Variants in TPTE observed in about 807,000 individuals in gnomAD.
TPTE encodes the protein transmembrane phosphatase with tensin homology, also known as putative tyrosine-protein phosphatase TPTE.
TPTE carries 59 observed loss-of-function variants against 84.1 expected under a neutral mutation model. The ratio of observed to expected loss-of-function variants is 0.70; its 90% CI spans 0.57 to 0.87. The LOEUF is 0.87. Ranked by LOEUF, TPTE falls within the 40% of genes least tolerant of loss-of-function variation. TPTE has a pLI of 0.00. For synonymous variants in TPTE, 130 were observed against 223.5 expected (o/e 0.58, Z 3.73); for missense variants, 382 against 659.6 (o/e 0.58, Z 4.61).
At chr21:10,531,308 C>G (rs1403082011) in intron 3 of TPTE, among the ~76,000 whole-genome samples, 2 of 152,304 alleles carry the variant, frequency 1.3e-5, no homozygotes, top group Admixed American at 6.5e-5. Context: ...TGAGTACTCA[C>G]TCTATTAGTT....
intron 14 of TPTE, among the ~76,000 whole-genome samples, chr21:10,575,602 G>T (rs2075133969): frequency 6.6e-6 from 1 of 152,308 alleles, no homozygotes; most frequent in Admixed American, 6.5e-5. Flanking sequence ...ACCTCTTGCA[G>T]GTATGTGCGG....
intron 5 of TPTE, among the ~76,000 whole-genome samples, chr21:10,541,965 A>T (rs199913147): frequency 1.3e-5 from 2 of 152,428 alleles, no homozygotes; most frequent in East Asian, 3.9e-4. Flanking sequence ...CCTGTGTCAG[A>T]CCTCTAGTTA....
chr21:10,536,674 G>A (rs1277210991), intron 3 of TPTE, among the ~76,000 whole-genome samples: 1 of 152,306 alleles, frequency 6.6e-6, no homozygotes, highest in Admixed American at 6.5e-5. Context: ...CATACAGAAT[G>A]TCTTTTACAC....
intron 8 of TPTE, among the ~76,000 whole-genome samples, chr21:10,558,490 TC>T (rs562162535): frequency 1.8e-3 from 273 of 152,242 alleles, no homozygotes; most frequent in African/African-American, 6.0e-3. Context: ...GATTTGCATT[TC>T]TCTAATCTGT....
intron 17 of TPTE, among the ~76,000 whole-genome samples, chr21:10,583,121 G>T (rs536271775): frequency 6.6e-5 from 10 of 152,390 alleles, no homozygotes; most frequent in Admixed American, 5.2e-4. Flanking sequence ...AAATTGTTCT[G>T]TCTTAGGGTA....
At chr21:10,536,313 A>G (rs1164398072) in intron 3 of TPTE, among the ~76,000 whole-genome samples, 103 of 152,364 alleles carry the variant, frequency 6.8e-4, no homozygotes, top group African/African-American at 2.3e-3. Flanking sequence ...AGTGATATAC[A>G]CATGAATATT....
At chr21:10,523,754 A>G (rs1407507235) in intron 1 of TPTE, among the ~76,000 whole-genome samples, 1 of 152,308 alleles carries the variant, frequency 6.6e-6, no homozygotes, top group Non-Finnish European at 1.5e-5. Flanking sequence ...GCTGCAGTAA[A>G]CATACGTGTG....
At chr21:10,581,933 C>A (rs1406729364) in intron 17 of TPTE, among the ~76,000 whole-genome samples, 2 of 152,312 alleles carry the variant, frequency 1.3e-5, no homozygotes, top group African/African-American at 2.4e-5. Flanking sequence ...CAGGGTCTCA[C>A]TGTGTTGTCC....
At chr21:10,552,989 T>TC (rs2074608405) in intron 8 of TPTE, among the ~76,000 whole-genome samples, 2 of 152,310 alleles carry the variant, frequency 1.3e-5, no homozygotes, top group African/African-American at 4.8e-5. Context: ...AAAAGTTTTT[T>TC]TTAAAAAAAC....
intron 17 of TPTE, among the ~76,000 whole-genome samples, chr21:10,586,336 T>C (rs1369053839): frequency 6.6e-6 from 1 of 152,302 alleles, no homozygotes; most frequent in African/African-American, 2.4e-5. Context: ...TGTAGAAATA[T>C]ACTTCCTTAT....
chr21:10,597,412 C>CTTTTTTTTTTTTTTTTTTTTTTTTTTT (rs146272836), intron 20 of TPTE, among the ~76,000 whole-genome samples: 2 of 139,900 alleles, frequency 1.4e-5, no homozygotes, highest in Non-Finnish European at 3.2e-5. Context: ...TTTCTTTTTT[C>CTTTTTTTTTTTTTTTTTTTTTTTTTTT]TTTTTTTTTT....
intron 7 of TPTE, among the ~76,000 whole-genome samples, chr21:10,549,610 C>T (rs1423674657): frequency 6.6e-6 from 1 of 152,278 alleles, no homozygotes. Context: ...AATTTCTGAA[C>T]TTGAAGACAA....
chr21:10,588,471 T>C (rs1295416522), intron 17 of TPTE, among the ~76,000 whole-genome samples: 2 of 152,312 alleles, frequency 1.3e-5, no homozygotes, highest in African/African-American at 4.8e-5. Context: ...CCTTGGATAG[T>C]CTGGTGAGTA....
At chr21:10,572,450 C>CAAAAAAAAAAAAAAAAAAAAA (rs58796102) in intron 14 of TPTE, among the ~76,000 whole-genome samples, 1 of 131,986 alleles carries the variant, frequency 7.6e-6, no homozygotes. Flanking sequence ...AGACTGTATC[C>CAAAAAAAAAAAAAAAAAAAAA]AAAAAAAAAA....
intron 3 of TPTE, among the ~76,000 whole-genome samples, chr21:10,538,023 A>G (rs2074299252): frequency 1.3e-5 from 2 of 152,310 alleles, no homozygotes; most frequent in African/African-American, 4.8e-5. Flanking sequence ...TCTTGAGTAA[A>G]AATAAAAACT....
At chr21:10,528,142 T>C (rs576747103) in intron 3 of TPTE, among the ~76,000 whole-genome samples, 2 of 152,410 alleles carry the variant, frequency 1.3e-5, no homozygotes, top group Non-Finnish European at 2.9e-5. Flanking sequence ...CAGATTTACA[T>C]GAGAATTTTT....
chr21:10,588,647 A>C (rs2075410660), intron 17 of TPTE, among the ~76,000 whole-genome samples: 1 of 152,312 alleles, frequency 6.6e-6, no homozygotes, highest in African/African-American at 2.4e-5. Flanking sequence ...GCATGCCAGT[A>C]ATTCATAGGT....
chr21:10,532,779 G>A lies in TPTE; in HGVS notation c.-44+5367G>A, dbSNP rs1429803324. Among the ~76,000 whole-genome samples the A allele has an allele frequency of 4.6e-5, 7 of 152,408 alleles. No individual in the cohort carries two copies. The East Asian group carries it at 1.3e-3, about 29-fold the overall frequency. On this transcript the variant is annotated intron_variant, in intron 3 of 23. Transcript: ENST00000618007. ...TAATGTGTAATTTAGTTTCAAATGT[G>A]GGTTTTTTAAAAAAAGCTAATCATA...
chr21:10,548,486 A>T (rs1173567137), intron 7 of TPTE, among the ~76,000 whole-genome samples: 2 of 152,310 alleles, frequency 1.3e-5, no homozygotes, highest in African/African-American at 4.8e-5. Context: ...CCTGGCTCAC[A>T]GAAGTAGTCC....
Sources: gnomAD v4.1 joint callset for allele counts (sites outside exome capture counted in the v4.1 genomes callset) on GRCh38, gnomAD v4.1.1 for gene constraint, MANE v1.5 for transcripts, NCBI Gene and HGNC (gene_info 2026-07-23, HGNC 2026-07-21) for gene names.